The following MMP26 variants were observed in gnomAD, a reference collection of about 807,000 sequenced individuals.
MMP26 encodes matrix metalloproteinase-26.
A neutral mutation model predicts 31.0 loss-of-function variants in MMP26; 33 were observed. That is an observed-to-expected ratio of 1.06 (90% confidence interval 0.81 to 1.42). MMP26 has a LOEUF of 1.42. MMP26 is among the 40% of genes most tolerant of loss of function. The probability of loss-of-function intolerance (pLI) is 0.00; values close to 1 mark genes in which losing one functional copy is unlikely to be tolerated. For synonymous variants in MMP26, 122 were observed against 114.9 expected (o/e 1.06, Z -0.40); for missense variants, 347 against 316.1 (o/e 1.10, Z -0.74).
chr11:4,950,359 G>A (rs1438127471), intron 2 of MMP26, among the ~76,000 whole-genome samples: 1 of 121,030 alleles, frequency 8.3e-6, no homozygotes, highest in African/African-American at 2.8e-5. Flanking sequence ...AAAAAAGGAT[G>A]AAATTCTGTC....
intron 2 of MMP26, chr11:4,915,733 A>G (rs1294213917): frequency 2.0e-6 from 2 of 1,001,756 alleles, no homozygotes; most frequent in Non-Finnish European, 3.0e-6. Context: ...AGTACTGGTG[A>G]TTGCACCTGG....
chr11:4,872,659 T>A (rs554196038), intron 2 of MMP26, among the ~76,000 whole-genome samples: 1 of 152,198 alleles, frequency 6.6e-6, no homozygotes, highest in South Asian at 2.1e-4. Flanking sequence ...AGTATGCTCA[T>A]GCCTGTTCCT....
chr11:4,754,096 ATT>A (rs371054284), intron 1 of MMP26, among the ~76,000 whole-genome samples: 44 of 141,736 alleles, frequency 3.1e-4, no homozygotes, highest in African/African-American at 5.2e-4. Context: ...TAAAAGAGAG[ATT>A]TTTTTTTTTT....
chr11:4,707,752 T>C (rs1847799159), intron 1 of MMP26, among the ~76,000 whole-genome samples: 1 of 152,204 alleles, frequency 6.6e-6, no homozygotes, highest in South Asian at 2.1e-4. Context: ...TGTGGAAATA[T>C]TAAGCACTGG....
intron 2 of MMP26, chr11:4,769,566 C>T (rs939197128): frequency 3.1e-6 from 5 of 1,612,838 alleles, no homozygotes; most frequent in Non-Finnish European, 4.2e-6. Flanking sequence ...GCTGTAGCCA[C>T]CAGCACTCCA....
intron 1 of MMP26, among the ~76,000 whole-genome samples, chr11:4,706,190 A>G (rs1847774744): frequency 6.6e-6 from 1 of 152,148 alleles, no homozygotes; most frequent in African/African-American, 2.4e-5. Context: ...TTTATTAGAG[A>G]GAAATATAGC....
At chr11:4,835,583 G>A (rs999310082) in intron 2 of MMP26, among the ~76,000 whole-genome samples, 3 of 152,146 alleles carry the variant, frequency 2.0e-5, no homozygotes, top group Admixed American at 2.0e-4. Flanking sequence ...GGAAAAAGGA[G>A]AGAGCAATTG....
chr11:4,907,590 C>A lies in MMP26; in HGVS notation c.-144-80478C>A, dbSNP rs1316214886. On this transcript the variant is annotated intron_variant, in intron 2 of 7. Transcript: ENST00000380390. Reference sequence around the variant, plus strand: ...TTGGCTGTCTCTGACATGGGCCTGTCCCTCTCCTCCCTTCCTACCATGTTG... The same window carrying A: ...TTGGCTGTCTCTGACATGGGCCTGTACCTCTCCTCCCTTCCTACCATGTTG... 4 of 1,613,764 alleles carry A rather than the reference C, an allele frequency of 2.5e-6. No individual in the cohort carries two copies. In the South Asian group the frequency reaches 3.3e-5, roughly 13 times the overall value.
chr11:4,809,432 T>A (rs1849320745), intron 2 of MMP26, among the ~76,000 whole-genome samples: 1 of 152,224 alleles, frequency 6.6e-6, no homozygotes, highest in Admixed American at 6.5e-5. Context: ...TGATTCCAAC[T>A]ATAACACCCA....
In MMP26 at chr11:4,949,023, A is replaced by C. The variant is rs1057241324; in HGVS notation, c.-144-39045A>C. Among the ~76,000 whole-genome samples, 7 of 124,758 alleles carry C rather than the reference A, an allele frequency of 5.6e-5. 2 individuals are homozygous for C. The highest frequency in any genetic ancestry group is 1.8e-5 in the Non-Finnish European group (1 of 54,906). The allele number at this position is 124,758 out of a possible 152,430, so 81.8% of individuals were successfully genotyped here. On this transcript the variant is annotated intron_variant, in intron 2 of 7. Transcript: ENST00000380390. The stretch of plus-strand genomic sequence containing the variant: ...ACATGTGCTCATTGGCTCAATGTTC[A>C]TGTGTTCATTGGCTCAATGTTCAAC...
chr11:4,858,325 C>A (rs1850088055), intron 2 of MMP26, among the ~76,000 whole-genome samples: 2 of 152,164 alleles, frequency 1.3e-5, no homozygotes, highest in South Asian at 4.1e-4. Context: ...ATTTAGAAAA[C>A]CCCATCGTCT....
chr11:4,943,876 A>G (rs1164752090), intron 2 of MMP26: 1 of 449,118 alleles, frequency 2.2e-6, no homozygotes, highest in Non-Finnish European at 4.5e-6. Context: ...CCCCTAAAAT[A>G]CAGATGATCT....
intron 1 of MMP26, among the ~76,000 whole-genome samples, chr11:4,729,555 A>G (rs919252896): frequency 2.6e-5 from 4 of 152,158 alleles, no homozygotes; most frequent in Non-Finnish European, 1.5e-5. Context: ...GTTAACATGG[A>G]AGGCTGAGAT....
At chr11:4,832,355 C>T (rs899231863) in intron 2 of MMP26, 3 of 156,166 alleles carry the variant, frequency 1.9e-5, no homozygotes. Flanking sequence ...CGACCTGGGC[C>T]TGTCTTTCTC....
chr11:4,811,314 T>C (rs1168023329), intron 2 of MMP26, among the ~76,000 whole-genome samples: 1 of 152,198 alleles, frequency 6.6e-6, no homozygotes, highest in African/African-American at 2.4e-5. Context: ...AGTTGTTAAG[T>C]ACAGTACTCA....
At chr11:4,713,532 G>A (rs573602594) in intron 1 of MMP26, among the ~76,000 whole-genome samples, 2 of 152,140 alleles carry the variant, frequency 1.3e-5, no homozygotes, top group East Asian at 3.9e-4. Context: ...TGAGTTTTAT[G>A]TCTGTTTCCA....
chr11:4,917,753 T>C (rs1026407917), intron 2 of MMP26, among the ~76,000 whole-genome samples: 1 of 152,120 alleles, frequency 6.6e-6, no homozygotes, highest in Non-Finnish European at 1.5e-5. Flanking sequence ...ATGTGTTCTG[T>C]AGAATCAGGT....
chr11:4,826,866 G>T (rs559182712), intron 2 of MMP26, among the ~76,000 whole-genome samples: 1 of 152,166 alleles, frequency 6.6e-6, no homozygotes, highest in South Asian at 2.1e-4. Context: ...TATCAAATAC[G>T]TCTCGGGATA....
At chr11:4,805,583 C>A (rs1284665547) in intron 2 of MMP26, among the ~76,000 whole-genome samples, 2 of 152,190 alleles carry the variant, frequency 1.3e-5, no homozygotes, top group Non-Finnish European at 2.9e-5. Context: ...CAGCTGTGAA[C>A]CCCACACTAT....
Sources: gnomAD v4.1 joint callset for allele counts (sites outside exome capture counted in the v4.1 genomes callset) on GRCh38, gnomAD v4.1.1 for gene constraint, MANE v1.5 for transcripts, NCBI Gene and HGNC (gene_info 2026-07-23, HGNC 2026-07-21) for gene names.